The following N4BP2L2 variants were observed in gnomAD, a reference collection of about 807,000 sequenced individuals.
N4BP2L2 encodes the protein NEDD4-binding protein 2-like 2.
N4BP2L2 carries 50 observed loss-of-function variants against 56.2 expected under a neutral mutation model. That is an observed-to-expected ratio of 0.89 (90% confidence interval 0.71 to 1.13). The LOEUF (loss-of-function observed/expected upper bound fraction) is 1.13, where lower values mean the gene tolerates loss of function less well. Among genes scored for constraint, N4BP2L2 ranks in the 50% most tolerant of loss-of-function variants. The pLI, the probability that N4BP2L2 is intolerant of heterozygous loss-of-function variation, is 0.00. For missense variants in N4BP2L2, 689 were observed against 693.8 expected (o/e 0.99, Z 0.08); for synonymous variants, 203 against 223.6 (o/e 0.91, Z 0.82).
intron 6 of N4BP2L2, among the ~76,000 whole-genome samples, chr13:32,462,922 A>G (rs1001789462): frequency 1.3e-4 from 19 of 150,278 alleles, no homozygotes; most frequent in African/African-American, 4.6e-4. Context: ...GCATGCCTGT[A>G]ATCCCAGCTA....
chr13:32,456,007 C>T (rs976476181), intron 6 of N4BP2L2, among the ~76,000 whole-genome samples: 2 of 152,238 alleles, frequency 1.3e-5, no homozygotes, highest in Non-Finnish European at 2.9e-5. Flanking sequence ...GACCAAGAAC[C>T]TATCCCCCTA....
upstream of N4BP2L2, chr13:32,538,830 G>C (rs2057283923): frequency 6.1e-6 from 6 of 985,464 alleles, no homozygotes; most frequent in Non-Finnish European, 7.2e-6. Context: ...AAAACTAGGC[G>C]TTTGCGCCAG....
chr13:32,465,035 C>T (rs896386048), intron 6 of N4BP2L2, among the ~76,000 whole-genome samples: 13 of 152,056 alleles, frequency 8.5e-5, no homozygotes, highest in Non-Finnish European at 1.6e-4. Context: ...GGCTCAATCT[C>T]GGCTCACTGC....
At chr13:32,436,356 C>T in intron 9 of N4BP2L2, 1 of 1,223,694 alleles carries the variant, frequency 8.2e-7, no homozygotes, top group Non-Finnish European at 1.1e-6. Context: ...ATAAGTCATA[C>T]TTACAGTTCA....
rs2049705899 is a variant in N4BP2L2, at chr13:32,518,147, A to C, written c.1551-144T>G. The C allele has an allele frequency of 6.0e-5, 47 of 779,116 alleles. 2 individuals carry two copies. In the South Asian group the frequency reaches 1.0e-3, roughly 17 times the overall value. The allele number at this position is 779,116 out of a possible 1,614,324, so 48.3% of individuals were successfully genotyped here. ...ATTTCATCTGTCCACATTTTATGTA[A>C]AAAGACTTATTAAAAACTCAAATGT... On this transcript the variant is annotated intron_variant, in intron 5 of 5. Transcript: ENST00000267068.
intron 6 of N4BP2L2, among the ~76,000 whole-genome samples, chr13:32,503,856 G>A (rs920840990): frequency 9.2e-5 from 14 of 152,002 alleles, no homozygotes; most frequent in African/African-American, 3.1e-4. Context: ...GACCAGCTTG[G>A]GAAACACAGT....
intron 6 of N4BP2L2, among the ~76,000 whole-genome samples, chr13:32,445,630 T>C (rs1345110918): frequency 6.6e-6 from 1 of 152,226 alleles, no homozygotes; most frequent in Non-Finnish European, 1.5e-5. Context: ...TGTGGGGTAC[T>C]TGGAAATGTG....
At chr13:32,536,486 T>G (rs2056585550) in exon 2 of N4BP2L2, 3 of 1,612,368 alleles carry the variant, frequency 1.9e-6, no homozygotes, top group African/African-American at 1.3e-5. Context: ...CTTTTCAAGC[T>G]CTTCAATTTC....
At chr13:32,502,984 C>A (rs1246196749) in intron 6 of N4BP2L2, among the ~76,000 whole-genome samples, 4 of 151,812 alleles carry the variant, frequency 2.6e-5, no homozygotes. Context: ...ACCAGCCTAG[C>A]CAACATGGAG....
At chr13:32,474,676 C>T (rs373869898) in intron 6 of N4BP2L2, among the ~76,000 whole-genome samples, 25 of 152,264 alleles carry the variant, frequency 1.6e-4, no homozygotes, top group African/African-American at 6.0e-4. Flanking sequence ...GCCTGGGCAA[C>T]AGAGTGAGAC....
chr13:32,482,361 C>T (rs1022373619), intron 6 of N4BP2L2, among the ~76,000 whole-genome samples: 1 of 152,066 alleles, frequency 6.6e-6, no homozygotes, highest in Non-Finnish European at 1.5e-5. Flanking sequence ...AAACTGATTA[C>T]TTGTAATTAG....
rs60854435 is a variant in N4BP2L2 at position 32,481,118 on chromosome 13, C to CAAAAAAAAAAA, written c.365+36728_365+36738dup. The stretch of plus-strand genomic sequence containing the variant: ...TCAGCAACAGAGTGAGACTCTGTCT[C>CAAAAAAAAAAA]AAAAAAAAAAAAAAAAAAAAAAAAA... On this transcript the variant is annotated intron_variant, in intron 6 of 9. Coordinates refer to the N4BP2L2 transcript ENST00000357505. Among the ~76,000 whole-genome samples, 10 of 20,712 alleles carry CAAAAAAAAAAA rather than the reference C, an allele frequency of 4.8e-4. 2 individuals carry two copies. The highest frequency in any genetic ancestry group is 1.7e-3 in the African/African-American group (9 of 5,406). 13.6% of individuals were successfully genotyped at this position (20,712 alleles called of 152,430 possible). A position where few individuals can be genotyped will look rare whatever the true frequency, so the allele number is the denominator to read the frequency against.
intron 6 of N4BP2L2, among the ~76,000 whole-genome samples, chr13:32,450,093 C>T (rs2077673264): frequency 6.6e-6 from 1 of 152,072 alleles, no homozygotes; most frequent in East Asian, 1.9e-4. Context: ...TTGGTGAAAA[C>T]ACATTCTTTT....
chr13:32,478,826 A>G (rs1223174520), intron 6 of N4BP2L2: 1 of 152,238 alleles, frequency 6.6e-6, no homozygotes, highest in African/African-American at 2.4e-5. Flanking sequence ...TTCAAAGGGT[A>G]GAAAAATGGT....
In N4BP2L2 at chr13:32,517,861, G is replaced by GTC. The variant is rs1245607962; in HGVS notation, c.1691_1692dup (p.Gln565AspfsTer27). On this transcript the variant is annotated frameshift_variant, in exon 6 of 6. Transcript: ENST00000267068. LOFTEE classifies it high-confidence loss of function. ...GAGCCAAGAGAGCCTCCCCACCTCT[G>GTC]TCTCCCCTGTGGAGGAGGAGGTCTT... 1 of 1,614,036 alleles carries GTC rather than the reference G, an allele frequency of 6.2e-7. No individual in the cohort carries two copies. Among genetic ancestry groups the GTC allele is most frequent in the Non-Finnish European group, 8.5e-7 (1 of 1,180,014 alleles).
chr13:32,443,607 C>T (rs1237478877), exon 7 of N4BP2L2: 1 of 1,611,814 alleles, frequency 6.2e-7, no homozygotes, highest in Non-Finnish European at 8.5e-7. Flanking sequence ...CAGAAAGGTC[C>T]TGGGTGTCTA....
At chr13:32,527,309 C>T in intron 3 of N4BP2L2, 99 bp downstream of exon 3, 2 of 1,313,226 alleles carry the variant, frequency 1.5e-6, no homozygotes, top group Non-Finnish European at 2.1e-6. Context: ...GGCTTGCCTA[C>T]AGTCATTCAG....
intron 9 of N4BP2L2, chr13:32,436,333 A>T: frequency 1.9e-6 from 2 of 1,073,132 alleles, no homozygotes; most frequent in Non-Finnish European, 2.7e-6. Context: ...ATGATCAAAC[A>T]GAGGTCTCTA....
rs746006112 is a variant in N4BP2L2, at chr13:32,443,641, A to G, written c.851T>C (p.Ile284Thr). ...TAATGCTATGGTATGCCTATTTCTAATATGCTTTTCTACCTTCATGCCAGA... is the reference window on the plus strand; with the variant it reads ...TAATGCTATGGTATGCCTATTTCTAGTATGCTTTTCTACCTTCATGCCAGA... The change falls in exon 7 of 10, where the codon ATT becomes ACT. Residue 284 changes from isoleucine (I) to threonine (T), a missense_variant. Physicochemically the swap from Ile to Thr is moderately conservative, Grantham distance 89 (BLOSUM62 -1). Transcript: ENST00000357505. 3.1e-6 allele frequency: 5 copies of G among 1,611,698 alleles called. No homozygotes were observed. In the Admixed American group the frequency reaches 8.4e-5, roughly 27 times the overall value.
Sources: gnomAD v4.1 joint callset for allele counts (sites outside exome capture counted in the v4.1 genomes callset) on GRCh38, gnomAD v4.1.1 for gene constraint, MANE v1.5 for transcripts, NCBI Gene and HGNC (gene_info 2026-07-23, HGNC 2026-07-21) for gene names.